ASXL3: variants seen among roughly 807,000 people sequenced by gnomAD.
ASXL3 encodes putative Polycomb group protein ASXL3.
ASXL3 carries 34 observed loss-of-function variants against 170.6 expected under a neutral mutation model. The observed-to-expected ratio is 0.20, with a 90% CI of 0.15 to 0.27. ASXL3 has a LOEUF of 0.27. Among genes scored for constraint, ASXL3 ranks in the 10% least tolerant of loss-of-function variants. The pLI is 1.00. For synonymous variants in ASXL3, 1,002 were observed against 989.1 expected (o/e 1.01, Z -0.24); for missense variants, 2,592 against 2,695.3 (o/e 0.96, Z 0.85).
chr18:33,655,680 T>C (rs1274582743), intron 4 of ASXL3, among the ~76,000 whole-genome samples: 3 of 152,082 alleles, frequency 2.0e-5, no homozygotes, highest in Admixed American at 2.0e-4. Flanking sequence ...GTTAGATGGT[T>C]TTCCCTGTTC....
chr18:33,590,294 T>A (rs1490317311), intron 1 of ASXL3, among the ~76,000 whole-genome samples: 2 of 151,958 alleles, frequency 1.3e-5, no homozygotes, highest in Non-Finnish European at 2.9e-5. Context: ...TATCTCTCTC[T>A]TATTTTTTAA....
At chr18:33,715,563 G>A (rs552550081) in intron 8 of ASXL3, among the ~76,000 whole-genome samples, 1 of 152,254 alleles carries the variant, frequency 6.6e-6, no homozygotes, top group Non-Finnish European at 1.5e-5. Context: ...GTGCTGATTT[G>A]TAATTATTGG....
At chr18:33,683,092 A>G (rs2066539617) in intron 7 of ASXL3, among the ~76,000 whole-genome samples, 1 of 152,142 alleles carries the variant, frequency 6.6e-6, no homozygotes, top group African/African-American at 2.4e-5. Context: ...AGAGTTTTTG[A>G]AAATGCTGAT....
At chr18:33,596,621 A>G (rs11876539) in intron 1 of ASXL3, among the ~76,000 whole-genome samples, 3,896 of 152,302 alleles carry the variant, frequency 0.026, 187 homozygotes, top group African/African-American at 0.089. Context: ...GTTTGTGGGA[A>G]TAACATTGAA....
chr18:33,618,258 A>G (rs1452021664), intron 2 of ASXL3, among the ~76,000 whole-genome samples: 1 of 152,128 alleles, frequency 6.6e-6, no homozygotes, highest in Non-Finnish European at 1.5e-5. Flanking sequence ...ATAATTGTTT[A>G]CTGGAACTCA....
chr18:33,648,011 G>C (rs1264735566), intron 4 of ASXL3, among the ~76,000 whole-genome samples: 2 of 152,066 alleles, frequency 1.3e-5, no homozygotes, highest in African/African-American at 4.8e-5. Context: ...GAGATAGCAA[G>C]AGGCTGGTGT....
chr18:33,691,990 G>C (rs1490799056), intron 8 of ASXL3, among the ~76,000 whole-genome samples: 1 of 152,128 alleles, frequency 6.6e-6, no homozygotes, highest in Non-Finnish European at 1.5e-5. Flanking sequence ...GGAGGAAAAA[G>C]GTCTAACCCA....
intron 7 of ASXL3, among the ~76,000 whole-genome samples, chr18:33,678,569 T>A (rs961217806): frequency 6.6e-6 from 1 of 152,220 alleles, no homozygotes; most frequent in African/African-American, 2.4e-5. Context: ...CCATGATTTT[T>A]ATCATGAGAT....
intron 8 of ASXL3, among the ~76,000 whole-genome samples, chr18:33,728,304 A>G (rs778698279): frequency 1.3e-5 from 2 of 152,146 alleles, no homozygotes; most frequent in Non-Finnish European, 2.9e-5. Context: ...TCTTCTATAC[A>G]TGTACTCCAC....
At chr18:33,582,575 C>T (rs2065002319) in intron 1 of ASXL3, among the ~76,000 whole-genome samples, 1 of 152,044 alleles carries the variant, frequency 6.6e-6, no homozygotes, top group South Asian at 2.1e-4. Flanking sequence ...TTTGTTTAGT[C>T]TCAGTGACAC....
At chr18:33,605,833 G>A (rs1338336047) in intron 1 of ASXL3, among the ~76,000 whole-genome samples, 1 of 151,336 alleles carries the variant, frequency 6.6e-6, no homozygotes, top group East Asian at 1.9e-4. Flanking sequence ...TTTCCCCATC[G>A]TATGCCTTTC....
intron 8 of ASXL3, among the ~76,000 whole-genome samples, chr18:33,730,029 G>A (rs1201660749): frequency 2.6e-5 from 4 of 152,100 alleles, no homozygotes; most frequent in South Asian, 2.1e-4. Flanking sequence ...ATAATACAAA[G>A]TAACCAGACA....
At chr18:33,714,050 T>G (rs1241664397) in intron 8 of ASXL3, among the ~76,000 whole-genome samples, 5 of 152,180 alleles carry the variant, frequency 3.3e-5, no homozygotes, top group Non-Finnish European at 7.3e-5. Flanking sequence ...GGTGAGTGTG[T>G]GCACATGACA....
At chr18:33,642,879 C>A (rs1382626771) in intron 2 of ASXL3, among the ~76,000 whole-genome samples, 1 of 151,794 alleles carries the variant, frequency 6.6e-6, no homozygotes, top group African/African-American at 2.4e-5. Context: ...AGTACTTAGT[C>A]GTTGCCTTTA....
intron 1 of ASXL3, among the ~76,000 whole-genome samples, chr18:33,601,919 T>G (rs1243957147): frequency 6.6e-6 from 1 of 151,556 alleles, no homozygotes; most frequent in East Asian, 1.9e-4. Context: ...GCCTACCAAG[T>G]AGCTGGGACT....
intron 10 of ASXL3, 21 bp downstream of exon 10, chr18:33,734,436 T>G (rs534789275): frequency 6.9e-7 from 1 of 1,459,754 alleles, no homozygotes; most frequent in South Asian, 1.3e-5. Flanking sequence ...GAGTATTTTT[T>G]CTCATTTCTC....
At position 33,745,031 on chromosome 18, in the gene ASXL3, A is replaced by G. The variant is rs962031807; in HGVS notation, c.5183A>G (p.Lys1728Arg). 1.2e-6 allele frequency: 2 copies of G among 1,614,014 alleles called. No homozygotes were observed. The highest frequency in any genetic ancestry group is 1.6e-4 in the Middle Eastern group (1 of 6,062). The change falls in exon 12 of 12, where the codon AAG becomes AGG. Residue 1728 changes from lysine to arginine, a missense_variant. Around this residue, in one of 4 missense-constraint regions of ASXL3, gnomAD observed 2,246 missense variants for 2,219.6 expected, o/e 1.01. Coordinates refer to ENST00000269197, the MANE Select transcript of ASXL3 (RefSeq NM_030632.3). ...EAISLATDAL[K>R]RVPGAGSSGC... ...ATTTCCTTGGCTACCGATGCCCTGA[A>G]GAGAGTCCCTGGTGCAGGGAGCTCA...
intron 1 of ASXL3, among the ~76,000 whole-genome samples, chr18:33,601,846 C>T (rs1405576748): frequency 2.2e-5 from 3 of 133,938 alleles, no homozygotes; most frequent in African/African-American, 5.6e-5. Context: ...GCTGGAGTGC[C>T]GTGTTGCAAT....
intron 2 of ASXL3, among the ~76,000 whole-genome samples, chr18:33,623,600 A>C (rs2065552142): frequency 6.6e-6 from 1 of 152,140 alleles, no homozygotes; most frequent in Non-Finnish European, 1.5e-5. Flanking sequence ...CATTGTTAGA[A>C]ATTTGGAGAA....
Sources: gnomAD v4.1 joint callset for allele counts (sites outside exome capture counted in the v4.1 genomes callset) on GRCh38, gnomAD v4.1.1 for gene constraint, gnomAD v4.1.1 regional missense constraint, MANE v1.5 for transcripts, NCBI Gene and HGNC (gene_info 2026-07-23, HGNC 2026-07-21) for gene names.